GFI1B: variants seen among roughly 807,000 people sequenced by gnomAD.
The protein encoded by GFI1B is growth factor independent 1B transcriptional repressor.
GFI1B carries 20 observed loss-of-function variants against 35.3 expected under a neutral mutation model. The observed-to-expected ratio is 0.57, with a 90% CI of 0.40 to 0.82. The LOEUF (loss-of-function observed/expected upper bound fraction) is 0.82. Among genes scored for constraint, GFI1B ranks in the 40% least tolerant of loss-of-function variants. The probability of loss-of-function intolerance (pLI) is 0.00; values close to 1 mark genes in which losing one functional copy is unlikely to be tolerated. For synonymous variants in GFI1B, 178 were observed against 177.6 expected (o/e 1.00, Z -0.02); for missense variants, 430 against 446.3 (o/e 0.96, Z 0.33).
upstream of GFI1B, among the ~76,000 whole-genome samples, chr9:132,974,377 A>T (rs551233210): frequency 2.6e-5 from 4 of 152,124 alleles, no homozygotes; most frequent in South Asian, 8.3e-4. Context: ...GCAGGCAAGG[A>T]TCACTTGAGG....
chr9:132,973,881 T>C (rs1848577094), upstream of GFI1B, among the ~76,000 whole-genome samples: 1 of 152,196 alleles, frequency 6.6e-6, no homozygotes, highest in Non-Finnish European at 1.5e-5. Context: ...CGGGAAAGTC[T>C]GCCAGCCCCG....
At chr9:132,985,195 A>C (rs1005054614) in intron 1 of GFI1B, among the ~76,000 whole-genome samples, 1 of 152,188 alleles carries the variant, frequency 6.6e-6, no homozygotes, top group Non-Finnish European at 1.5e-5. Context: ...GGAACCTCAC[A>C]GGCTGAGTGC....
intron 1 of GFI1B, chr9:132,972,662 T>C (rs1848550629): frequency 6.6e-6 from 1 of 152,256 alleles, no homozygotes; most frequent in African/African-American, 2.4e-5. Context: ...TCTGATCATA[T>C]ATTACTCTTG....
chr9:132,991,164 AC>A lies in GFI1B; in HGVS notation c.*116del. On this transcript the variant is annotated 3_prime_UTR_variant, in exon 7 of 7. Transcript: ENST00000372122. Reference sequence around the variant, plus strand: ...TGGAGGTGGGACTGGACAGGAGTCTACCAGCTTGTTTTGAGACTCATGAAAT... The same window carrying A: ...TGGAGGTGGGACTGGACAGGAGTCTACAGCTTGTTTTGAGACTCATGAAAT... 1.1e-6 allele frequency: 1 copy of A among 951,148 alleles called. No homozygotes were observed. The highest frequency in any genetic ancestry group is 1.6e-6 in the Non-Finnish European group (1 of 612,788). 58.9% of individuals were successfully genotyped at this position (951,148 alleles called of 1,614,324 possible).
chr9:132,963,308 C>G (rs1340202016), intron 1 of GFI1B, among the ~76,000 whole-genome samples: 11 of 151,862 alleles, frequency 7.2e-5, no homozygotes, highest in African/African-American at 2.4e-4. Flanking sequence ...GGTGAAACCC[C>G]ATCTCTACTA....
intron 1 of GFI1B, among the ~76,000 whole-genome samples, chr9:132,947,613 A>C (rs545591262): frequency 6.6e-6 from 1 of 151,884 alleles, no homozygotes; most frequent in Non-Finnish European, 1.5e-5. Context: ...GTTCGAGACC[A>C]GCCTGGCCAA....
At chr9:132,974,702 G>A (rs1158074303), upstream of GFI1B, among the ~76,000 whole-genome samples, 1 of 152,046 alleles carries the variant, frequency 6.6e-6, no homozygotes, top group Non-Finnish European at 1.5e-5. Context: ...AAAGTGACTG[G>A]GGTGGGGAGG....
rs985950882 is a variant in GFI1B, at chr9:132,988,164, T to C, written c.239-33T>C. 2.5e-6 allele frequency: 4 copies of C among 1,609,724 alleles called. No homozygotes were observed. In the African/African-American group the frequency reaches 4.0e-5, roughly 16 times the overall value. On this transcript the variant is annotated intron_variant, in intron 3 of 6. Coordinates refer to ENST00000372122, the MANE Select transcript of GFI1B (RefSeq NM_001377304.1). ...CTGTGCCCAACCCCCTGTGTTTAAA[T>C]GAGTAACCAGGCCTGTGTCGTTATC...
chr9:132,967,056 G>A (rs898050516), intron 1 of GFI1B, among the ~76,000 whole-genome samples: 1 of 152,164 alleles, frequency 6.6e-6, no homozygotes, highest in Admixed American at 6.5e-5. Context: ...ATTCGGTCAT[G>A]CCCTCATCAG....
intron 1 of GFI1B, among the ~76,000 whole-genome samples, chr9:132,948,889 C>T (rs1422658775): frequency 2.6e-5 from 4 of 152,232 alleles, no homozygotes; most frequent in African/African-American, 7.2e-5. Context: ...TGAGCCACAC[C>T]CGCTAAGCAT....
rs73660569 is a variant in GFI1B at position 132,961,435 on chromosome 9, C to A, written c.-700-11290C>A. ...TCAATTATTTGACAAAAAAAAAAAACAACAGAAAAAAGGCATAAATGGAAA... is the reference window on the plus strand; with the variant it reads ...TCAATTATTTGACAAAAAAAAAAAAAAACAGAAAAAAGGCATAAATGGAAA... On this transcript the variant is annotated intron_variant, in intron 1 of 10. Transcript: ENST00000339463. Among the ~76,000 whole-genome samples, 1,239 of 134,582 alleles carry A rather than the reference C, an allele frequency of 9.2e-3. 16 individuals are homozygous for A. Among genetic ancestry groups the A allele is most frequent in the African/African-American group, 0.033 (1,149 of 34,816 alleles). 88.3% of individuals were successfully genotyped at this position (134,582 alleles called of 152,430 possible).
In GFI1B at chr9:132,947,427, A is replaced by AG. The variant is rs947492056; in HGVS notation, c.-701+1758_-701+1759insG. Among the ~76,000 whole-genome samples, 4 of 94,422 alleles carry AG rather than the reference A, an allele frequency of 4.2e-5. 1 individual carries two copies. The highest frequency in any genetic ancestry group is 2.4e-5 in the Non-Finnish European group (1 of 40,896). 61.9% of individuals were successfully genotyped at this position (94,422 alleles called of 152,430 possible). A position where few individuals can be genotyped will look rare whatever the true frequency, so the allele number is the denominator to read the frequency against. On this transcript the variant is annotated intron_variant, in intron 1 of 10. Transcript: ENST00000339463. ...TTTAATCGAGCAAAAAAAAAAAAAA[A>AG]AAAGAAAGAAAAAGAGAATTCATGA...
chr9:132,953,008 G>C (rs904598963), intron 1 of GFI1B: 6 of 152,094 alleles, frequency 3.9e-5, no homozygotes, highest in African/African-American at 1.2e-4. Flanking sequence ...TTTTATTAAG[G>C]ATTTTTGCAT....
chr9:132,989,811 C>G lies in GFI1B; in HGVS notation c.718C>G (p.Leu240Val). 1 of 1,614,002 alleles carries G rather than the reference C, an allele frequency of 6.2e-7. No individual in the cohort carries two copies. The highest frequency in any genetic ancestry group is 8.5e-7 in the Non-Finnish European group (1 of 1,179,798). Residue 240 changes from leucine (L) to valine (V), a missense_variant, in exon 6 of 7, where the codon CTC becomes GTC. Transcript: ENST00000372122. This position sits in a 1 kb window ranked among gnomAD's most constrained non-coding sequence, Gnocchi z 6.2. Reference sequence around the variant, plus strand: ...CTCGTCCACGCTGTCCACCCACCTGCTCATCCACTCAGACACGCGGCCCTA... The same window carrying G: ...CTCGTCCACGCTGTCCACCCACCTGGTCATCCACTCAGACACGCGGCCCTA... ...KRSSTLSTHL[L>V]IHSDTRPYPC... is the part of the protein sequence containing the mutation.
At position 132,989,154 on chromosome 9, in the gene GFI1B, G is replaced by T. The variant is rs781610790; in HGVS notation, c.604G>T (p.Gly202Cys). 5 of 1,613,856 alleles carry T rather than the reference G, an allele frequency of 3.1e-6. No homozygotes were observed. The highest frequency in any genetic ancestry group is 4.2e-6 in the Non-Finnish European group (5 of 1,179,900). ...CTGTGACATCTGCGGCAAAACCTTC[G>T]GCCACGCTGTGAGCCTGGAGCAGCA... ...FACDICGKTF[G>C]HAVSLEQHTH... The change falls in exon 5 of 7, where the codon GGC becomes TGC. Residue 202 changes from glycine (G) to cysteine (C), a missense_variant. Gly to Cys is a radical substitution (Grantham distance 159). Coordinates refer to ENST00000372122, the MANE Select transcript of GFI1B (RefSeq NM_001377304.1). The surrounding 1 kb of genome is among the most constrained non-coding windows in gnomAD (Gnocchi z 6.2).
chr9:132,979,978 G>A (rs1848763886), intron 1 of GFI1B, among the ~76,000 whole-genome samples: 1 of 152,184 alleles, frequency 6.6e-6, no homozygotes, highest in Non-Finnish European at 1.5e-5. Flanking sequence ...TTCTTAGTAG[G>A]CAACAGGCAG....
At chr9:132,987,857 T>A (rs1849131446) in intron 3 of GFI1B, among the ~76,000 whole-genome samples, 1 of 152,152 alleles carries the variant, frequency 6.6e-6, no homozygotes, top group African/African-American at 2.4e-5. Context: ...TTTCATTTTA[T>A]TTTTTGAGAC....
At chr9:132,952,923 G>A (rs549223989) in intron 1 of GFI1B, 1 of 152,086 alleles carries the variant, frequency 6.6e-6, no homozygotes, top group East Asian at 1.9e-4. Flanking sequence ...TTTTTTGATG[G>A]TCATTTATCC....
intron 1 of GFI1B, among the ~76,000 whole-genome samples, chr9:132,966,527 T>C (rs1404758641): frequency 6.6e-6 from 1 of 152,194 alleles, no homozygotes; most frequent in Non-Finnish European, 1.5e-5. Flanking sequence ...AGCTCTTCTT[T>C]ACAGATAATA....
Sources: allele counts gnomAD v4.1 joint callset (sites outside exome capture counted in the v4.1 genomes callset), GRCh38; gene constraint gnomAD v4.1.1; non-coding constraint Gnocchi (gnomAD v3.1); transcripts MANE v1.5; gene names NCBI Gene and HGNC (gene_info 2026-07-23, HGNC 2026-07-21).